Variants in FBXW7 observed in about 807,000 individuals in gnomAD.
FBXW7 encodes F-box and WD repeat domain containing 7.
In FBXW7, 11 loss-of-function variants were observed where a neutral mutation model predicts 86.3. The ratio of observed to expected loss-of-function variants is 0.13; its 90% CI spans 0.08 to 0.21. FBXW7 has a LOEUF of 0.21. Ranked by LOEUF, FBXW7 falls within the 10% of genes least tolerant of loss-of-function variation. FBXW7 has a pLI of 1.00. For missense variants in FBXW7, 488 were observed against 847.4 expected (o/e 0.58, Z 5.27); for synonymous variants, 313 against 297.9 (o/e 1.05, Z -0.52).
intron 2 of FBXW7, among the ~76,000 whole-genome samples, chr4:152,461,850 A>G (rs1156343593): frequency 1.3e-5 from 2 of 152,190 alleles, no homozygotes; most frequent in East Asian, 3.8e-4. Flanking sequence ...ACTTAATACC[A>G]TCGATAGGTC....
chr4:152,340,899 A>G (rs1222384218), intron 6 of FBXW7, among the ~76,000 whole-genome samples: 1 of 152,044 alleles, frequency 6.6e-6, no homozygotes, highest in Non-Finnish European at 1.5e-5. Flanking sequence ...AATAAACTCT[A>G]TTTTACTAGT....
At chr4:152,346,351 T>C (rs186850873) in intron 6 of FBXW7, among the ~76,000 whole-genome samples, 18 of 152,268 alleles carry the variant, frequency 1.2e-4, no homozygotes, top group African/African-American at 3.6e-4. Context: ...CAATGCAGTT[T>C]AGAAAACTAG....
At chr4:152,332,527 C>T (rs2126546645) in intron 8 of FBXW7, 69 bp downstream of exon 8, 16 of 1,363,978 alleles carry the variant, frequency 1.2e-5, no homozygotes, top group South Asian at 1.6e-5. Context: ...TTTATTTTTT[C>T]TACTTGTTTT....
At chr4:152,389,527 G>A (rs1457999626) in intron 4 of FBXW7, among the ~76,000 whole-genome samples, 1 of 151,984 alleles carries the variant, frequency 6.6e-6, no homozygotes, top group African/African-American at 2.4e-5. Context: ...CAAATACCAC[G>A]TTTCACTTAC....
intron 2 of FBXW7, among the ~76,000 whole-genome samples, chr4:152,467,631 A>C (rs1317452811): frequency 1.3e-5 from 2 of 152,240 alleles, no homozygotes; most frequent in Non-Finnish European, 2.9e-5. Context: ...TGAGGAACTG[A>C]AGCACAAATA....
chr4:152,367,062 T>C (rs1182373731), intron 4 of FBXW7, among the ~76,000 whole-genome samples: 1 of 151,848 alleles, frequency 6.6e-6, no homozygotes, highest in East Asian at 1.9e-4. Context: ...CACTCATAGG[T>C]GGGAATTGAA....
intron 2 of FBXW7, among the ~76,000 whole-genome samples, chr4:152,495,416 G>C (rs961280707): frequency 1.3e-5 from 2 of 152,042 alleles, no homozygotes; most frequent in South Asian, 2.1e-4. Flanking sequence ...ACTTCAGCCT[G>C]GGCAACAGAG....
At chr4:152,498,330 A>G (rs1021077474) in intron 2 of FBXW7, among the ~76,000 whole-genome samples, 7 of 152,216 alleles carry the variant, frequency 4.6e-5, no homozygotes, top group African/African-American at 1.7e-4. Flanking sequence ...GAAGACAGTA[A>G]TTCAGAAGAT....
At chr4:152,532,060 G>A (rs1750069523) in intron 2 of FBXW7, among the ~76,000 whole-genome samples, 1 of 151,966 alleles carries the variant, frequency 6.6e-6, no homozygotes, top group South Asian at 2.1e-4. Flanking sequence ...CCACTTTTCA[G>A]CTCTTCACTT....
chr4:152,516,673 T>C (rs1748527017), intron 2 of FBXW7, among the ~76,000 whole-genome samples: 1 of 152,218 alleles, frequency 6.6e-6, no homozygotes, highest in Non-Finnish European at 1.5e-5. Context: ...GTAATTCAAT[T>C]TCACAAGTCA....
intron 7 of FBXW7, among the ~76,000 whole-genome samples, chr4:152,337,083 T>G (rs978864235): frequency 1.3e-5 from 2 of 151,912 alleles, no homozygotes; most frequent in Non-Finnish European, 2.9e-5. Flanking sequence ...GTCTATAATA[T>G]CAATAAAGGA....
At chr4:152,448,094 A>G (rs866942930) in intron 2 of FBXW7, among the ~76,000 whole-genome samples, 1 of 152,366 alleles carries the variant, frequency 6.6e-6, no homozygotes. Context: ...AACAAGAAAG[A>G]AAAACTAATC....
chr4:152,333,639 T>G (rs1292292589), intron 7 of FBXW7, among the ~76,000 whole-genome samples: 3 of 152,284 alleles, frequency 2.0e-5, no homozygotes, highest in East Asian at 3.9e-4. Context: ...CTAACATAAA[T>G]TATCCGTTAA....
intron 4 of FBXW7, among the ~76,000 whole-genome samples, chr4:152,359,230 T>C (rs957092477): frequency 6.6e-6 from 1 of 152,082 alleles, no homozygotes; most frequent in African/African-American, 2.4e-5. Flanking sequence ...TCCCAATATC[T>C]GCGAAATGCT....
At chr4:152,518,164 T>A (rs1253004417) in intron 2 of FBXW7, among the ~76,000 whole-genome samples, 1 of 150,684 alleles carries the variant, frequency 6.6e-6, no homozygotes, top group African/African-American at 2.4e-5. Flanking sequence ...AATTTTTCTA[T>A]TTTTAGTAGA....
chr4:152,432,288 C>A (rs1739966725), intron 2 of FBXW7, among the ~76,000 whole-genome samples: 1 of 152,032 alleles, frequency 6.6e-6, no homozygotes, highest in Admixed American at 6.6e-5. Context: ...GTGAGCATAC[C>A]TGATATTAGA....
intron 4 of FBXW7, among the ~76,000 whole-genome samples, chr4:152,387,864 A>G (rs1349992604): frequency 1.3e-5 from 2 of 151,758 alleles, no homozygotes; most frequent in Non-Finnish European, 2.9e-5. Flanking sequence ...GCCCACCACC[A>G]CGCCCAGCTA....
chr4:152,352,474 T>C (rs1036297466), intron 4 of FBXW7: 4 of 1,613,716 alleles, frequency 2.5e-6, no homozygotes, highest in Non-Finnish European at 3.4e-6. Flanking sequence ...ACTTACTTTG[T>C]AAAAAATCAT....
At chr4:152,392,280 A>G (rs930189719) in intron 4 of FBXW7, among the ~76,000 whole-genome samples, 7 of 152,058 alleles carry the variant, frequency 4.6e-5, no homozygotes, top group Non-Finnish European at 8.8e-5. Context: ...TAGAGATAGT[A>G]AAAATGGTAT....
Sources: allele counts gnomAD v4.1 joint callset (sites outside exome capture counted in the v4.1 genomes callset), GRCh38; gene constraint gnomAD v4.1.1; transcripts MANE v1.5; gene names NCBI Gene and HGNC (gene_info 2026-07-23, HGNC 2026-07-21).